Variants in DLGAP2 observed in about 807,000 individuals in gnomAD.
DLGAP2 encodes DLG associated protein 2.
DLGAP2 carries 26 observed loss-of-function variants against 100.3 expected under a neutral mutation model. The observed-to-expected ratio is 0.26, with a 90% CI of 0.19 to 0.36. The LOEUF (loss-of-function observed/expected upper bound fraction) is 0.36. Ranked by LOEUF, DLGAP2 falls within the 10% of genes least tolerant of loss-of-function variation. The probability of loss-of-function intolerance (pLI) is 1.00; values close to 1 mark genes in which losing one functional copy is unlikely to be tolerated. For synonymous variants in DLGAP2, 886 were observed against 630.1 expected (o/e 1.41, Z -6.08); for missense variants, 1,858 against 1,453.2 (o/e 1.28, Z -4.53).
chr8:833,216 G>A (rs913216611), intron 1 of DLGAP2, among the ~76,000 whole-genome samples: 1 of 152,168 alleles, frequency 6.6e-6, no homozygotes, highest in Non-Finnish European at 1.5e-5. Context: ...CTAAGACTTT[G>A]GGAAGGCGCA....
chr8:1,613,448 C>T lies in DLGAP2; in HGVS notation c.1443-13292C>T, dbSNP rs113378511. On this transcript the variant is annotated intron_variant, in intron 6 of 14. Coordinates refer to ENST00000637795, the MANE Select transcript of DLGAP2 (RefSeq NM_001346810.2). ...GGGAGATATACCTAAGGCTAGATGA[C>T]GAGTTAGTGGGTGCAGCGCACCAGC... 2.2e-3 allele frequency among the ~76,000 whole-genome samples: 326 copies of T among 151,192 alleles called. 1 individual carries two copies. The highest frequency in any genetic ancestry group is 6.8e-3 in the African/African-American group (279 of 41,096).
At position 1,596,770 on chromosome 8, in the gene DLGAP2, A is replaced by G. The variant is rs184620918; in HGVS notation, c.1443-29970A>G. Among the ~76,000 whole-genome samples the G allele has an allele frequency of 2.8e-3, 433 of 152,054 alleles. 4 individuals carry two copies. The highest frequency in any genetic ancestry group is 9.8e-3 in the African/African-American group (407 of 41,460). On this transcript the variant is annotated intron_variant, in intron 6 of 14. Coordinates refer to ENST00000637795, the MANE Select transcript of DLGAP2 (RefSeq NM_001346810.2). ...TGTTAAAGTTCCTTGTAGATTCTGG[A>G]TATTAGCCCTTTGTCAGATAGATAG...
intron 1 of DLGAP2, among the ~76,000 whole-genome samples, chr8:875,480 C>T (rs1172190372): frequency 6.6e-6 from 1 of 152,172 alleles, no homozygotes; most frequent in African/African-American, 2.4e-5. Context: ...TCATAAGGGG[C>T]TTCCCCTTTC....
At chr8:1,660,776 C>T (rs1029420823) in intron 8 of DLGAP2, among the ~76,000 whole-genome samples, 14 of 152,200 alleles carry the variant, frequency 9.2e-5, no homozygotes, top group African/African-American at 3.1e-4. Flanking sequence ...CGTTTCAGAT[C>T]CTGTGGTTGG....
chr8:1,148,845 T>C (rs1056252337), intron 2 of DLGAP2, among the ~76,000 whole-genome samples: 1 of 152,214 alleles, frequency 6.6e-6, no homozygotes, highest in African/African-American at 2.4e-5. Context: ...GGTTCCTGCA[T>C]ATGGCCAATT....
chr8:1,366,152 T>C (rs1021126757), intron 3 of DLGAP2, among the ~76,000 whole-genome samples: 1 of 152,250 alleles, frequency 6.6e-6, no homozygotes, highest in Non-Finnish European at 1.5e-5. Context: ...TTTCCTATTT[T>C]CTTTTTCTTT....
chr8:1,156,380 C>G (rs1051937069), intron 2 of DLGAP2, among the ~76,000 whole-genome samples: 3 of 152,176 alleles, frequency 2.0e-5, no homozygotes, highest in African/African-American at 7.2e-5. Flanking sequence ...TGGCCTCACT[C>G]TGGACGCCCC....
chr8:1,010,489 A>C (rs1801249342), intron 2 of DLGAP2, among the ~76,000 whole-genome samples: 1 of 152,236 alleles, frequency 6.6e-6, no homozygotes, highest in South Asian at 2.1e-4. Flanking sequence ...CTAAAATACT[A>C]CACATTACCC....
In DLGAP2 at chr8:1,379,966, G is replaced by C. The variant is rs563586641; in HGVS notation, c.106+121083G>C. Among the ~76,000 whole-genome samples, 22 of 151,322 alleles carry C rather than the reference G, an allele frequency of 1.5e-4. 1 individual carries two copies. In the East Asian group the frequency reaches 4.3e-3, roughly 29 times the overall value. ...CTCCCCTCCTGCTCGGTGGGGGCCT[G>C]CTCTTTTGGGGGTGCTCTCTTCAAT... On this transcript the variant is annotated intron_variant, in intron 3 of 14. Coordinates refer to ENST00000637795, the MANE Select transcript of DLGAP2 (RefSeq NM_001346810.2).
At chr8:1,412,754 A>T (rs770172049) in intron 3 of DLGAP2, among the ~76,000 whole-genome samples, 1 of 152,188 alleles carries the variant, frequency 6.6e-6, no homozygotes, top group African/African-American at 2.4e-5. Flanking sequence ...GCAAAAGGCA[A>T]TTGCCAGCTG....
At chr8:1,221,596 TATCTCTCAGGGGTTCTCTGA>T (rs1417251492) in intron 2 of DLGAP2, among the ~76,000 whole-genome samples, 1 of 152,146 alleles carries the variant, frequency 6.6e-6, no homozygotes, top group Non-Finnish European at 1.5e-5. Flanking sequence ...TCTTGTATAT[TATCTCTCAGGGGTTCTCTGA>T]ATTTCCTGAA....
intron 1 of DLGAP2, among the ~76,000 whole-genome samples, chr8:818,155 C>G (rs953444143): frequency 3.3e-5 from 5 of 152,156 alleles, no homozygotes; most frequent in Non-Finnish European, 7.3e-5. Context: ...CTCAGACTCT[C>G]CTTGGGTGGG....
intron 2 of DLGAP2, among the ~76,000 whole-genome samples, chr8:1,196,440 C>G (rs1797751078): frequency 6.6e-6 from 1 of 152,110 alleles, no homozygotes; most frequent in African/African-American, 2.4e-5. Flanking sequence ...AGTGAGTGAA[C>G]GAGACAGTGA....
At chr8:1,364,268 C>A (rs1412724593) in intron 3 of DLGAP2, among the ~76,000 whole-genome samples, 1 of 152,190 alleles carries the variant, frequency 6.6e-6, no homozygotes, top group African/African-American at 2.4e-5. Context: ...AAGCCAGCTG[C>A]CCCCAGAGGA....
intron 6 of DLGAP2, among the ~76,000 whole-genome samples, chr8:1,591,513 C>G (rs7009291): frequency 2.7e-5 from 4 of 148,124 alleles, no homozygotes; most frequent in African/African-American, 1.0e-4. Flanking sequence ...GGCTCAGCCT[C>G]CCCTTTCCTG....
At chr8:1,449,837 C>G (rs1253054246) in intron 3 of DLGAP2, among the ~76,000 whole-genome samples, 1 of 98,992 alleles carries the variant, frequency 1.0e-5, no homozygotes, top group Non-Finnish European at 2.0e-5. Context: ...GTGGCTGTGA[C>G]TGTAGCGGAG....
intron 1 of DLGAP2, among the ~76,000 whole-genome samples, chr8:900,105 G>A (rs370971397): frequency 3.1e-4 from 47 of 152,294 alleles, no homozygotes; most frequent in African/African-American, 1.1e-3. Context: ...GATGGTGGGC[G>A]GCCTCCTCTT....
At chr8:1,501,302 C>T (rs1462003349) in intron 3 of DLGAP2, 64 bp from the exon 4 acceptor site, 4 of 1,492,432 alleles carry the variant, frequency 2.7e-6, no homozygotes, top group African/African-American at 2.8e-5. Flanking sequence ...TGAAGATGTG[C>T]AGGGAATGAC....
chr8:792,236 C>T (rs1417774002), intron 1 of DLGAP2, among the ~76,000 whole-genome samples: 1 of 152,160 alleles, frequency 6.6e-6, no homozygotes, highest in East Asian at 1.9e-4. Flanking sequence ...ATATTCTTTG[C>T]CCATTTTAAA....
Sources: gnomAD v4.1 joint callset for allele counts (sites outside exome capture counted in the v4.1 genomes callset) on GRCh38, gnomAD v4.1.1 for gene constraint, MANE v1.5 for transcripts, NCBI Gene and HGNC (gene_info 2026-07-23, HGNC 2026-07-21) for gene names.